Variants in MORN1 observed in about 807,000 individuals in gnomAD.
MORN1 encodes MORN repeat containing 1.
Under a neutral mutation model 61.9 loss-of-function variants are expected in MORN1, and 67 were observed. That is an observed-to-expected ratio of 1.08 (90% CI 0.89 to 1.33). The LOEUF (loss-of-function observed/expected upper bound fraction) is 1.33. Ranked by LOEUF, MORN1 falls within the 40% of genes most tolerant of loss-of-function variation. MORN1 has a pLI of 0.00. For synonymous variants in MORN1, 301 were observed against 292.0 expected (o/e 1.03, Z -0.31); for missense variants, 752 against 691.2 (o/e 1.09, Z -0.99).
intron 12 of MORN1, among the ~76,000 whole-genome samples, chr1:2,328,274 G>A (rs1401300327): frequency 1.3e-5 from 2 of 152,240 alleles, no homozygotes; most frequent in African/African-American, 2.4e-5. Flanking sequence ...GGTTTGCAGC[G>A]GGGCTGTGAG....
rs1641794472 is a variant in MORN1, at chr1:2,357,234, C to G, written c.1036+198G>C. Among the ~76,000 whole-genome samples, 1 of 152,180 alleles carries G rather than the reference C, an allele frequency of 6.6e-6. No homozygotes were observed. Among genetic ancestry groups the G allele is most frequent in the Admixed American group, 6.5e-5 (1 of 15,288 alleles). On this transcript the variant is annotated intron_variant, in intron 10 of 13. Coordinates refer to ENST00000378531, the MANE Select transcript of MORN1 (RefSeq NM_024848.3). This position sits in a 1 kb window ranked among gnomAD's most constrained non-coding sequence, Gnocchi z 6.3. The stretch of plus-strand genomic sequence containing the variant: ...ACGGCAGACGAACAATCGGCTTGAG[C>G]CTCCGCAGCCACCCGTGACTGCTTG...
At chr1:2,374,858 G>C in intron 6 of MORN1, 1 of 301,864 alleles carries the variant, frequency 3.3e-6, no homozygotes, top group Non-Finnish European at 6.1e-6. Context: ...GCACATTTCA[G>C]CAAAAAAAAA....
At chr1:2,335,971 G>T (rs947411234) in intron 12 of MORN1, among the ~76,000 whole-genome samples, 1 of 152,192 alleles carries the variant, frequency 6.6e-6, no homozygotes, top group African/African-American at 2.4e-5. Context: ...CATGTGCTGT[G>T]CCCGTAGCAC....
chr1:2,369,071 G>C (rs2100330332), intron 8 of MORN1, among the ~76,000 whole-genome samples: 1 of 150,346 alleles, frequency 6.7e-6, no homozygotes, highest in Non-Finnish European at 1.5e-5. Flanking sequence ...AAAAAAAAAG[G>C]CGGGGGGCAG....
Position 2,347,148 on chromosome 1 carries a change from G to A in MORN1, c.1036+10284C>T, listed in dbSNP as rs143061801. 3.9e-3 allele frequency among the ~76,000 whole-genome samples: 589 copies of A among 152,328 alleles called. 3 individuals are homozygous for A. The highest frequency in any genetic ancestry group is 7.3e-3 in the Admixed American group (112 of 15,306). ...TCTTGGCCCCATGGCCCCAGGACCT[G>A]GGATGCCGCCCCCACACAGCTTTGC... is the stretch of plus-strand genomic sequence containing the variant. On this transcript the variant is annotated intron_variant, in intron 10 of 13. Coordinates refer to ENST00000378531, the MANE Select transcript of MORN1 (RefSeq NM_024848.3).
At chr1:2,322,096 G>T in intron 13 of MORN1, 1 of 985,430 alleles carries the variant, frequency 1.0e-6, no homozygotes, top group African/African-American at 1.7e-5. Flanking sequence ...CCGCGCTGGG[G>T]CTCTCCGGGT....
rs1201498708 is a variant in MORN1 at position 2,347,045 on chromosome 1, C to G, written c.1037-10195G>C. On this transcript the variant is annotated intron_variant, in intron 10 of 13. Transcript: ENST00000378531. ...GGGAGCTTCTTGGGACATGGGGACT[C>G]TTGGGAGATGGGGAACTTCTTGGGA... Among the ~76,000 whole-genome samples the G allele has an allele frequency of 2.0e-5, 3 of 152,160 alleles. No individual in the cohort carries two copies. The East Asian group carries it at 5.8e-4, about 29-fold the overall frequency.
chr1:2,323,549 G>T (rs1640930759), intron 13 of MORN1: 2 of 985,328 alleles, frequency 2.0e-6, no homozygotes, highest in Non-Finnish European at 2.4e-6. Flanking sequence ...TTGGTGGGGG[G>T]GTGCCAGGCC....
intron 6 of MORN1, chr1:2,379,025 A>G (rs1557890564): frequency 2.1e-6 from 1 of 471,054 alleles, no homozygotes; most frequent in South Asian, 1.5e-5. Context: ...TCTAGAATGC[A>G]TTTTTAAAAA....
intron 6 of MORN1, among the ~76,000 whole-genome samples, chr1:2,380,008 G>GT (rs1491548584): frequency 6.6e-6 from 1 of 152,206 alleles, no homozygotes; most frequent in Non-Finnish European, 1.5e-5. Flanking sequence ...GCAGAGAAGC[G>GT]TGTCTGTCCA....
chr1:2,323,031 C>T, intron 13 of MORN1: 1 of 985,472 alleles, frequency 1.0e-6, no homozygotes, highest in Non-Finnish European at 1.2e-6. Context: ...ACCCCCAGGG[C>T]TGTCTCCGCC....
At position 2,327,207 on chromosome 1, in the gene MORN1, GAAAC is replaced by G. The variant is rs1245809074; in HGVS notation, c.1251-3068_1251-3065del. On this transcript the variant is annotated intron_variant, in intron 12 of 13. Coordinates refer to ENST00000378531, the MANE Select transcript of MORN1 (RefSeq NM_024848.3). The stretch of plus-strand genomic sequence containing the variant: ...AGACACAGAGACACAGAAACACACA[GAAAC>G]ACAGAAACAAACACAGAGACACAGA... Among the ~76,000 whole-genome samples, 386 of 136,870 alleles carry G rather than the reference GAAAC, an allele frequency of 2.8e-3. 5 individuals carry two copies. Among genetic ancestry groups the G allele is most frequent in the East Asian group, 4.2e-3 (19 of 4,562 alleles). The allele number at this position is 136,870 out of a possible 152,430, so 89.8% of individuals were successfully genotyped here. A position where few individuals can be genotyped will look rare whatever the true frequency, so the allele number is the denominator to read the frequency against.
intron 12 of MORN1, among the ~76,000 whole-genome samples, chr1:2,325,573 C>T (rs971984632): frequency 8.6e-5 from 13 of 151,718 alleles, no homozygotes; most frequent in African/African-American, 3.2e-4. Context: ...TCTCAAACTC[C>T]TGGGCTCAGG....
At chr1:2,329,637 C>T (rs2100235377) in intron 12 of MORN1, among the ~76,000 whole-genome samples, 1 of 152,302 alleles carries the variant, frequency 6.6e-6, no homozygotes, top group African/African-American at 2.4e-5. Flanking sequence ...AGTGGGGCCT[C>T]CTGGCCACGG....
chr1:2,335,665 C>T (rs1641249064), intron 12 of MORN1, among the ~76,000 whole-genome samples: 2 of 152,212 alleles, frequency 1.3e-5, no homozygotes, highest in South Asian at 2.1e-4. Flanking sequence ...GTCACAGCTT[C>T]CACCCAAGGA....
intron 13 of MORN1, 166 bp downstream of exon 13, chr1:2,323,931 C>T: frequency 1.0e-6 from 1 of 983,842 alleles, no homozygotes; most frequent in Non-Finnish European, 1.2e-6. Flanking sequence ...CCTTCCCATT[C>T]AGGTCCCTGG....
intron 6 of MORN1, among the ~76,000 whole-genome samples, chr1:2,379,627 C>T (rs554716206): frequency 1.3e-5 from 2 of 152,238 alleles, no homozygotes; most frequent in African/African-American, 4.8e-5. Context: ...GAGGGGGAGA[C>T]CGGGTGCGCA....
chr1:2,351,804 C>T lies in MORN1; in HGVS notation c.1036+5628G>A, dbSNP rs530262404. 228 of 557,346 alleles carry T rather than the reference C, an allele frequency of 4.1e-4. 11 individuals are homozygous for T. Among genetic ancestry groups the T allele is most frequent in the South Asian group, 3.3e-3 (221 of 67,564 alleles). 34.5% of individuals were successfully genotyped at this position (557,346 alleles called of 1,614,324 possible). ...GAAGACTCGGCCATCTTGTAGGATA[C>T]GTCTCATTCTGTGGTCCGTGTGTGG... On this transcript the variant is annotated intron_variant, in intron 10 of 13. Transcript: ENST00000378531.
Position 2,337,614 on chromosome 1 carries a change from C to T in MORN1, c.1037-764G>A, listed in dbSNP as rs192987817. ...TTACAAGGATGGTCAGTGGCTGAGCCTGAAGGAGATAACTTCAGTGCAGCC... is the reference window on the plus strand; with the variant it reads ...TTACAAGGATGGTCAGTGGCTGAGCTTGAAGGAGATAACTTCAGTGCAGCC... On this transcript the variant is annotated intron_variant, in intron 10 of 13. Transcript: ENST00000378531. The surrounding 1 kb of genome is among the most constrained non-coding windows in gnomAD (Gnocchi z 5.7). Among the ~76,000 whole-genome samples the T allele has an allele frequency of 6.6e-6, 1 of 152,320 alleles. No individual in the cohort carries two copies. Among genetic ancestry groups the T allele is most frequent in the African/African-American group, 2.4e-5 (1 of 41,572 alleles).
Sources: allele counts gnomAD v4.1 joint callset (sites outside exome capture counted in the v4.1 genomes callset), GRCh38; gene constraint gnomAD v4.1.1; non-coding constraint Gnocchi (gnomAD v3.1); transcripts MANE v1.5; gene names NCBI Gene and HGNC (gene_info 2026-07-23, HGNC 2026-07-21).